Variants in ZBTB16 observed in about 807,000 individuals in gnomAD.
ZBTB16 encodes the protein zinc finger and BTB domain-containing protein 16.
Under a neutral mutation model 56.8 loss-of-function variants are expected in ZBTB16, and 8 were observed. That is an observed-to-expected ratio of 0.14 (90% CI 0.08 to 0.25). The LOEUF is 0.25. ZBTB16 is among the 10% of genes least tolerant of loss of function. The probability of loss-of-function intolerance (pLI) is 1.00; values close to 1 mark genes in which losing one functional copy is unlikely to be tolerated. For missense variants in ZBTB16, 625 were observed against 903.0 expected, an observed-to-expected ratio of 0.69 and a Z score of 3.95; for synonymous variants, 363 against 368.5, an observed-to-expected ratio of 0.98 and a Z score of 0.17.
intron 2 of ZBTB16, among the ~76,000 whole-genome samples, chr11:114,111,322 A>G (rs1228067798): frequency 1.3e-5 from 2 of 152,204 alleles, no homozygotes; most frequent in East Asian, 3.8e-4. Flanking sequence ...CACTAGTTTG[A>G]AAATTAAAGC....
chr11:114,090,985 C>T (rs946914250), intron 2 of ZBTB16, among the ~76,000 whole-genome samples: 17 of 152,164 alleles, frequency 1.1e-4, no homozygotes, highest in Non-Finnish European at 2.2e-4. Flanking sequence ...TAGTGCAAAT[C>T]GCAGTGTGTG....
At chr11:114,207,587 CACA>C (rs1317644731) in intron 4 of ZBTB16, among the ~76,000 whole-genome samples, 39 of 139,872 alleles carry the variant, frequency 2.8e-4, no homozygotes, top group African/African-American at 1.2e-3. Flanking sequence ...GATACACACA[CACA>C]ACACACACAC....
chr11:114,070,352 C>T (rs956696545), intron 2 of ZBTB16, among the ~76,000 whole-genome samples: 2 of 152,018 alleles, frequency 1.3e-5, no homozygotes, highest in Non-Finnish European at 2.9e-5. Flanking sequence ...TCATGATCCA[C>T]CCGCCTCGGC....
At chr11:114,120,371 T>G (rs1941307996) in intron 2 of ZBTB16, among the ~76,000 whole-genome samples, 1 of 152,126 alleles carries the variant, frequency 6.6e-6, no homozygotes, top group African/African-American at 2.4e-5. Context: ...CTTAGCGAGT[T>G]TTCCCTTCCA....
At chr11:114,085,516 G>A (rs11214865) in intron 2 of ZBTB16, among the ~76,000 whole-genome samples, 33 of 145,232 alleles carry the variant, frequency 2.3e-4, no homozygotes, top group Middle Eastern at 3.6e-3. Flanking sequence ...GTGTGTGTGT[G>A]TATATATATA....
intron 2 of ZBTB16, among the ~76,000 whole-genome samples, chr11:114,129,515 C>T (rs1941605933): frequency 6.6e-6 from 1 of 152,270 alleles, no homozygotes; most frequent in South Asian, 2.1e-4. Flanking sequence ...CCTTGGCCCA[C>T]CTGCCTATTC....
intron 4 of ZBTB16, among the ~76,000 whole-genome samples, chr11:114,217,356 G>A (rs552415129): frequency 6.6e-6 from 1 of 152,294 alleles, no homozygotes; most frequent in Admixed American, 6.5e-5. Flanking sequence ...CTGTGTTTAG[G>A]AGACTTTTGT....
chr11:114,222,093 T>C (rs1057429783), intron 4 of ZBTB16, among the ~76,000 whole-genome samples: 4 of 152,142 alleles, frequency 2.6e-5, no homozygotes, highest in African/African-American at 9.7e-5. Flanking sequence ...GGTGGAAGCA[T>C]CTTTTGAATC....
intron 2 of ZBTB16, among the ~76,000 whole-genome samples, chr11:114,148,351 T>TCCTG (rs1942168331): frequency 7.3e-6 from 1 of 136,942 alleles, no homozygotes; most frequent in Non-Finnish European, 1.6e-5. Flanking sequence ...CTTCCTTCCT[T>TCCTG]CCTTCCTTCC....
chr11:114,159,937 C>CGGGGGGGGGGGGGG (rs140105293), intron 3 of ZBTB16, among the ~76,000 whole-genome samples: 2 of 93,842 alleles, frequency 2.1e-5, no homozygotes, highest in African/African-American at 6.6e-5. Flanking sequence ...GCGGGGGAGG[C>CGGGGGGGGGGGGGG]GGGGGGGAGG....
chr11:114,223,690 G>A (rs918203539), intron 4 of ZBTB16, among the ~76,000 whole-genome samples: 1 of 152,132 alleles, frequency 6.6e-6, no homozygotes, highest in Non-Finnish European at 1.5e-5. Context: ...AGGCACACAA[G>A]AAAATAAGCA....
chr11:114,135,063 A>G (rs1941763126), intron 2 of ZBTB16, among the ~76,000 whole-genome samples: 1 of 152,238 alleles, frequency 6.6e-6, no homozygotes, highest in Admixed American at 6.5e-5. Context: ...GGGGGTTGAG[A>G]TCACACAGCT....
intron 2 of ZBTB16, among the ~76,000 whole-genome samples, chr11:114,140,234 C>G (rs1442686366): frequency 6.6e-6 from 1 of 152,178 alleles, no homozygotes; most frequent in Non-Finnish European, 1.5e-5. Flanking sequence ...TTGGTATCTT[C>G]TAAGCCCAGG....
At chr11:114,119,553 T>A (rs1941284152) in intron 2 of ZBTB16, among the ~76,000 whole-genome samples, 1 of 152,104 alleles carries the variant, frequency 6.6e-6, no homozygotes, top group East Asian at 1.9e-4. Flanking sequence ...ACAGGTGCTG[T>A]GTTTTTTGTA....
Position 114,250,628 on chromosome 11 carries a change from A to G in ZBTB16, c.*73A>G. The G allele has an allele frequency of 1.4e-6, 2 of 1,437,588 alleles. No individual in the cohort carries two copies. Among genetic ancestry groups the G allele is most frequent in the East Asian group, 2.3e-5 (1 of 43,598 alleles). The allele number at this position is 1,437,588 out of a possible 1,614,324, so 89.1% of individuals were successfully genotyped here. ...GTTGGAGTGAGATGAAGGAAGGACT[A>G]TGACAAATAAAAAAGGAAAAGAAAA... is the stretch of plus-strand genomic sequence containing the variant. On this transcript the variant is annotated 3_prime_UTR_variant, in exon 7 of 7. Transcript: ENST00000335953. This position sits in a 1 kb window ranked among gnomAD's most constrained non-coding sequence, Gnocchi z 6.0.
At chr11:114,077,703 C>CT (rs1939621200) in intron 2 of ZBTB16, among the ~76,000 whole-genome samples, 9 of 152,206 alleles carry the variant, frequency 5.9e-5, no homozygotes, top group Admixed American at 5.9e-4. Context: ...GCTGCACCTC[C>CT]TGACACACCT....
In ZBTB16 at chr11:114,247,355, G is replaced by A. The variant is rs1944834668; in HGVS notation, c.1782G>A (p.Arg594=). 2 of 1,614,246 alleles carry A rather than the reference G, an allele frequency of 1.2e-6. No homozygotes were observed. The highest frequency in any genetic ancestry group is 1.7e-6 in the Non-Finnish European group (2 of 1,180,038). ...SLKHQLETHY[R]VHTGEKPFEC... The stretch of plus-strand genomic sequence containing the variant: ...AGCATCAGCTGGAGACGCACTATAG[G>A]GTGCACACAGGTACCGAAGGCCAGG... The change falls in exon 6 of 7, where the codon AGG becomes AGA. Residue 594 remains arginine (R), a synonymous_variant. Coordinates refer to ENST00000335953, the MANE Select transcript of ZBTB16 (RefSeq NM_006006.6).
chr11:114,126,260 T>C (rs1411249560), intron 2 of ZBTB16, among the ~76,000 whole-genome samples: 1 of 152,218 alleles, frequency 6.6e-6, no homozygotes, highest in East Asian at 1.9e-4. Context: ...ACGAGGTGAA[T>C]CTGCTGCTCT....
In ZBTB16 at chr11:114,156,409, G is replaced by A. The variant is rs369917864; in HGVS notation, c.1341G>A (p.Leu447=). 9.3e-6 allele frequency: 15 copies of A among 1,614,126 alleles called. No homozygotes were observed. The African/African-American group carries it at 1.7e-4, about 19-fold the overall frequency. ...CGKRFLDSLR[L]RMHLLAHSAG... The stretch of plus-strand genomic sequence containing the variant: ...AGCGGTTCCTGGATAGTTTGCGGCT[G>A]AGAATGCACTTACTGGCTCATTCAG... Residue 447 remains leucine (L), a synonymous_variant, in exon 3 of 7, where the codon CTG becomes CTA. Transcript: ENST00000335953.
Sources: allele counts gnomAD v4.1 joint callset (sites outside exome capture counted in the v4.1 genomes callset), GRCh38; gene constraint gnomAD v4.1.1; non-coding constraint Gnocchi (gnomAD v3.1); transcripts MANE v1.5; gene names NCBI Gene and HGNC (gene_info 2026-07-23, HGNC 2026-07-21).